MYO9B: variants seen among roughly 807,000 people sequenced by gnomAD.
MYO9B encodes myosin IXB, also known as unconventional myosin-IXb.
In MYO9B, 71 loss-of-function variants were observed where a neutral mutation model predicts 229.5. The observed-to-expected ratio is 0.31, with a 90% CI of 0.26 to 0.38. The LOEUF is 0.38. Ranked by LOEUF, MYO9B falls within the 10% of genes least tolerant of loss-of-function variation. The probability of loss-of-function intolerance (pLI) is 1.00; values close to 1 mark genes in which losing one functional copy is unlikely to be tolerated. For missense variants in MYO9B, 2,255 were observed against 2,920.5 expected (o/e 0.77, Z 5.25); for synonymous variants, 1,185 against 1,235.8 (o/e 0.96, Z 0.86).
intron 2 of MYO9B, among the ~76,000 whole-genome samples, chr19:17,114,801 C>T (rs2057884766): frequency 6.6e-6 from 1 of 151,972 alleles, no homozygotes; most frequent in South Asian, 2.1e-4. Flanking sequence ...TTAAGCATCT[C>T]CCCAGCAGGA....
intron 2 of MYO9B, among the ~76,000 whole-genome samples, chr19:17,132,036 C>T (rs928658772): frequency 6.6e-6 from 1 of 151,772 alleles, no homozygotes; most frequent in Non-Finnish European, 1.5e-5. Flanking sequence ...TGCATCACCA[C>T]GCCTGGCTAT....
chr19:17,088,496 C>A (rs373829574), intron 1 of MYO9B, among the ~76,000 whole-genome samples: 3 of 152,306 alleles, frequency 2.0e-5, no homozygotes, highest in Admixed American at 1.3e-4. Context: ...GCTGGCTCCC[C>A]CAGCTGCTCC....
Position 17,200,670 on chromosome 19 carries a change from A to G in MYO9B, c.4404A>G (p.Ala1468=), listed in dbSNP as rs780631642. ...APSGQQHRHA[A]GEKRTKEPGG... is the part of the protein sequence containing the mutation. ...CCGGACAGCAGCATCGCCACGCTGCAGGTGAGAAGCGCACCAAGGAACCAG... is the reference window on the plus strand; with the variant it reads ...CCGGACAGCAGCATCGCCACGCTGCGGGTGAGAAGCGCACCAAGGAACCAG... The change falls in exon 26 of 40, where the codon GCA becomes GCG. Residue 1468 remains alanine (A), a synonymous_variant. Coordinates refer to ENST00000682292, the MANE Select transcript of MYO9B (RefSeq NM_004145.4). 1.9e-6 allele frequency: 3 copies of G among 1,613,948 alleles called. No individual in the cohort carries two copies. The highest frequency in any genetic ancestry group is 1.1e-5 in the South Asian group (1 of 91,084).
At chr19:17,102,783 T>TGTAG (rs1260672094) in intron 2 of MYO9B, among the ~76,000 whole-genome samples, 12 of 151,362 alleles carry the variant, frequency 7.9e-5, no homozygotes, top group African/African-American at 2.7e-4. Flanking sequence ...AGTGCTCACC[T>TGTAG]GTAGTCCCAG....
intron 2 of MYO9B, among the ~76,000 whole-genome samples, chr19:17,107,724 G>A (rs921044504): frequency 1.3e-5 from 2 of 152,206 alleles, no homozygotes; most frequent in African/African-American, 4.8e-5. Context: ...CGTCAGGGGC[G>A]TTCTTCCTGT....
At chr19:17,116,485 G>A (rs2057905008) in intron 2 of MYO9B, among the ~76,000 whole-genome samples, 1 of 152,188 alleles carries the variant, frequency 6.6e-6, no homozygotes, top group South Asian at 2.1e-4. Context: ...TTTTAAGGGA[G>A]AGTGAATTAT....
chr19:17,153,629 G>A (rs1173735834), intron 4 of MYO9B, among the ~76,000 whole-genome samples: 3 of 151,088 alleles, frequency 2.0e-5, no homozygotes, highest in African/African-American at 7.3e-5. Flanking sequence ...CCAGGAGGTC[G>A]AGGCTGCAGT....
intron 15 of MYO9B, among the ~76,000 whole-genome samples, chr19:17,183,063 A>G (rs2072879168): frequency 6.6e-6 from 1 of 151,904 alleles, no homozygotes; most frequent in Non-Finnish European, 1.5e-5. Context: ...CTGGGATTAC[A>G]GGCACCCGCC....
Position 17,181,042 on chromosome 19 carries a change from T to G in MYO9B, c.2333+2T>G. On this transcript the variant is annotated splice_donor_variant, in intron 15 of 39. Coordinates refer to ENST00000682292, the MANE Select transcript of MYO9B (RefSeq NM_004145.4). LOFTEE classifies it high-confidence loss of function. Reference sequence around the variant, plus strand: ...CCAGAAACCCCGCGCCTTCATCCTGTGAGTCCCCCACCAAGGCCCTGCTTA... The same window carrying G: ...CCAGAAACCCCGCGCCTTCATCCTGGGAGTCCCCCACCAAGGCCCTGCTTA... The G allele has an allele frequency of 6.3e-7, 1 of 1,599,952 alleles. No individual in the cohort carries two copies. The highest frequency in any genetic ancestry group is 1.1e-5 in the South Asian group (1 of 89,594).
In MYO9B at chr19:17,152,199, A is replaced by AAAC. The variant is rs1555698210; in HGVS notation, c.936-444_936-442dup. ...AAGACTCCATCACAAAAAAAAAAAA[A>AAAC]AACCCACAAGGACATACCACTGCTC... is the stretch of plus-strand genomic sequence containing the variant. On this transcript the variant is annotated intron_variant, in intron 3 of 39. Transcript: ENST00000682292. Among the ~76,000 whole-genome samples the AAAC allele has an allele frequency of 1.0e-3, 156 of 151,704 alleles. 1 individual carries two copies. Among genetic ancestry groups the AAAC allele is most frequent in the African/African-American group, 3.7e-3 (153 of 41,352 alleles).
intron 19 of MYO9B, among the ~76,000 whole-genome samples, chr19:17,188,306 G>A (rs890698038): frequency 6.6e-6 from 1 of 151,770 alleles, no homozygotes; most frequent in Non-Finnish European, 1.5e-5. Context: ...GCAGCTGCCT[G>A]TATTCCTAGC....
intron 2 of MYO9B, among the ~76,000 whole-genome samples, chr19:17,113,634 A>AG (rs1310821704): frequency 1.3e-5 from 2 of 152,126 alleles, no homozygotes; most frequent in Non-Finnish European, 2.9e-5. Context: ...AAGGTCCCTG[A>AG]GGGGGGTGAG....
At chr19:17,198,917 C>T (rs894534988) in intron 24 of MYO9B, among the ~76,000 whole-genome samples, 3 of 152,064 alleles carry the variant, frequency 2.0e-5, no homozygotes, top group African/African-American at 7.2e-5. Context: ...GGACACGTGG[C>T]TGAATGGATG....
At chr19:17,143,616 G>A (rs1364858989) in intron 2 of MYO9B, among the ~76,000 whole-genome samples, 1 of 152,150 alleles carries the variant, frequency 6.6e-6, no homozygotes, top group Admixed American at 6.5e-5. Context: ...GGAGGAGGGA[G>A]AGGAGCAGAA....
At chr19:17,201,687 TA>T (rs1185823095) in intron 26 of MYO9B, among the ~76,000 whole-genome samples, 1 of 152,042 alleles carries the variant, frequency 6.6e-6, no homozygotes, top group Admixed American at 6.5e-5. Context: ...GGATGCTGCT[TA>T]ACCTGCTGTG....
intron 14 of MYO9B, among the ~76,000 whole-genome samples, chr19:17,179,476 G>A (rs921242932): frequency 6.9e-6 from 1 of 144,150 alleles, no homozygotes; most frequent in Non-Finnish European, 1.5e-5. Flanking sequence ...GCCCAGGCTG[G>A]AGTGCAGTGG....
rs546829621 is a variant in MYO9B, at chr19:17,086,466, G to A, written c.-59+10592G>A. Among the ~76,000 whole-genome samples, 40 of 152,290 alleles carry A rather than the reference G, an allele frequency of 2.6e-4. 1 individual carries two copies. Among genetic ancestry groups the A allele is most frequent in the South Asian group, 1.9e-3 (9 of 4,828 alleles). On this transcript the variant is annotated intron_variant, in intron 1 of 39. Coordinates refer to ENST00000682292, the MANE Select transcript of MYO9B (RefSeq NM_004145.4). ...CAGCTTCCCCACCTTGGCCCGGCTC[G>A]TATTGGGGCCAATTATTTTTTGCTG... is the stretch of plus-strand genomic sequence containing the variant.
chr19:17,184,445 C>G (rs1006151973), intron 16 of MYO9B: 5 of 177,564 alleles, frequency 2.8e-5, no homozygotes, highest in Non-Finnish European at 5.9e-5. Flanking sequence ...GCTGATAGAA[C>G]TGGCTGACAC....
intron 14 of MYO9B, among the ~76,000 whole-genome samples, chr19:17,179,808 AG>A (rs1454537763): frequency 6.6e-6 from 1 of 151,438 alleles, no homozygotes; most frequent in East Asian, 2.0e-4. Flanking sequence ...CTGAGGCAGG[AG>A]AATCGCTTGA....
Sources: allele counts gnomAD v4.1 joint callset (sites outside exome capture counted in the v4.1 genomes callset), GRCh38; gene constraint gnomAD v4.1.1; transcripts MANE v1.5; gene names NCBI Gene and HGNC (gene_info 2026-07-23, HGNC 2026-07-21).